RORA: variants seen among roughly 807,000 people sequenced by gnomAD.
RORA encodes nuclear receptor ROR-alpha.
RORA carries 7 observed loss-of-function variants against 69.5 expected under a neutral mutation model. That is an observed-to-expected ratio of 0.10 (90% CI 0.06 to 0.19). The LOEUF (loss-of-function observed/expected upper bound fraction) is 0.19, where lower values mean the gene tolerates loss of function less well. RORA is among the 10% of genes least tolerant of loss of function. RORA has a pLI of 1.00. For missense variants in RORA, 457 were observed against 663.0 expected (o/e 0.69, Z 3.41); for synonymous variants, 261 against 240.8 (o/e 1.08, Z -0.78).
At chr15:61,053,647 A>G (rs983351427) in intron 1 of RORA, among the ~76,000 whole-genome samples, 2 of 151,718 alleles carry the variant, frequency 1.3e-5, no homozygotes, top group Non-Finnish European at 2.9e-5. Flanking sequence ...AATCCCAGCA[A>G]CAAAGCCTGG....
At chr15:60,923,233 T>C (rs1022124432) in intron 1 of RORA, among the ~76,000 whole-genome samples, 1 of 152,172 alleles carries the variant, frequency 6.6e-6, no homozygotes, top group African/African-American at 2.4e-5. Context: ...AAACAGATTG[T>C]CTCCTGGATT....
At chr15:60,888,933 G>A (rs2140455424) in intron 1 of RORA, among the ~76,000 whole-genome samples, 1 of 152,042 alleles carries the variant, frequency 6.6e-6, no homozygotes, top group Non-Finnish European at 1.5e-5. Flanking sequence ...GTGGGTGGGG[G>A]CAGAGTAGGA....
intron 1 of RORA, among the ~76,000 whole-genome samples, chr15:61,078,514 A>C (rs2078488465): frequency 6.6e-6 from 1 of 152,190 alleles, no homozygotes; most frequent in Admixed American, 6.5e-5. Flanking sequence ...TAAAGGCTTT[A>C]AACAGGTTCT....
chr15:60,584,442 G>A (rs2068274093), intron 2 of RORA, among the ~76,000 whole-genome samples: 1 of 152,166 alleles, frequency 6.6e-6, no homozygotes, highest in Non-Finnish European at 1.5e-5. Flanking sequence ...GTTTTAAATG[G>A]CATGTAGCTT....
intron 1 of RORA, among the ~76,000 whole-genome samples, chr15:61,151,979 G>A (rs745797936): frequency 7.2e-5 from 11 of 152,150 alleles, no homozygotes; most frequent in Non-Finnish European, 1.2e-4. Context: ...GTGGAAAATC[G>A]TTGTTCCCCT....
chr15:61,005,271 G>T (rs1241232027), intron 1 of RORA, among the ~76,000 whole-genome samples: 1 of 152,142 alleles, frequency 6.6e-6, no homozygotes, highest in African/African-American at 2.4e-5. Flanking sequence ...TTTGAGGTCA[G>T]GAGTTCGAGA....
intron 1 of RORA, among the ~76,000 whole-genome samples, chr15:61,094,184 T>C (rs900738349): frequency 2.0e-5 from 3 of 152,178 alleles, no homozygotes; most frequent in African/African-American, 7.2e-5. Context: ...TACTCCTTTA[T>C]GTGAGTGAAC....
rs75695682 is a variant in RORA at position 60,893,029 on chromosome 15, C to T, written c.167-214343G>A. The stretch of plus-strand genomic sequence containing the variant: ...GTTTGGGATTCCAGATGAATTCTCC[C>T]AGCATAGCCTCAGCTTGCAAAGGGT... On this transcript the variant is annotated intron_variant, in intron 1 of 10. Transcript: ENST00000335670. Among the ~76,000 whole-genome samples the T allele has an allele frequency of 1.7e-3, 254 of 152,340 alleles. 1 individual carries two copies. Among genetic ancestry groups the T allele is most frequent in the African/African-American group, 5.9e-3 (247 of 41,578 alleles).
chr15:60,989,676 C>A (rs529930182), intron 1 of RORA, among the ~76,000 whole-genome samples: 1 of 152,218 alleles, frequency 6.6e-6, no homozygotes, highest in South Asian at 2.1e-4. Flanking sequence ...GGATTGGAAT[C>A]TAGTCCAGAC....
intron 2 of RORA, chr15:60,614,912 G>A: frequency 6.2e-7 from 1 of 1,613,590 alleles, no homozygotes; most frequent in Non-Finnish European, 8.5e-7. Flanking sequence ...AATGCAGGGA[G>A]CAGAAAAGAG....
At chr15:60,783,815 T>C (rs1363497071) in intron 1 of RORA, among the ~76,000 whole-genome samples, 1 of 152,114 alleles carries the variant, frequency 6.6e-6, no homozygotes, top group African/African-American at 2.4e-5. Flanking sequence ...AATGCCAGGG[T>C]TTCAGAACCT....
intron 1 of RORA, among the ~76,000 whole-genome samples, chr15:60,810,865 G>T (rs943557550): frequency 6.6e-6 from 1 of 152,144 alleles, no homozygotes; most frequent in African/African-American, 2.4e-5. Flanking sequence ...AGCTGAGTGT[G>T]ATTTCTGGGT....
At chr15:61,194,114 G>A (rs940757936) in intron 1 of RORA, 2 of 152,194 alleles carry the variant, frequency 1.3e-5, no homozygotes, top group African/African-American at 4.8e-5. Context: ...TAATGAAATT[G>A]CTTCAAGTTC....
At chr15:60,563,659 T>C (rs1020809998) in intron 2 of RORA, among the ~76,000 whole-genome samples, 10 of 152,166 alleles carry the variant, frequency 6.6e-5, no homozygotes, top group African/African-American at 2.4e-4. Context: ...AGACTCTCAG[T>C]AAACAGCAGC....
intron 2 of RORA, among the ~76,000 whole-genome samples, chr15:60,639,366 T>C (rs1260084817): frequency 1.3e-5 from 2 of 152,098 alleles, no homozygotes; most frequent in African/African-American, 4.8e-5. Context: ...AGAATAACAC[T>C]TAAAAGCCAT....
chr15:61,022,461 T>C (rs1194567058), intron 1 of RORA, among the ~76,000 whole-genome samples: 1 of 152,152 alleles, frequency 6.6e-6, no homozygotes, highest in Non-Finnish European at 1.5e-5. Context: ...ACCATCTTTT[T>C]CCCAATGCTT....
chr15:60,739,687 G>C (rs2071548606), intron 1 of RORA, among the ~76,000 whole-genome samples: 1 of 152,050 alleles, frequency 6.6e-6, no homozygotes. Context: ...CTTCATACAA[G>C]TGCCCTGCCT....
intron 1 of RORA, among the ~76,000 whole-genome samples, chr15:61,109,487 T>C (rs1350522759): frequency 1.3e-5 from 2 of 152,184 alleles, no homozygotes; most frequent in African/African-American, 4.8e-5. Context: ...GCCTCTGTTA[T>C]CACATGGTTC....
intron 1 of RORA, among the ~76,000 whole-genome samples, chr15:60,818,706 A>C (rs1410314392): frequency 6.6e-6 from 1 of 152,238 alleles, no homozygotes; most frequent in Non-Finnish European, 1.5e-5. Flanking sequence ...TTGCTTTTGC[A>C]TGAAAGATTA....
Sources: allele counts gnomAD v4.1 joint callset (sites outside exome capture counted in the v4.1 genomes callset), GRCh38; gene constraint gnomAD v4.1.1; transcripts MANE v1.5; gene names NCBI Gene and HGNC (gene_info 2026-07-23, HGNC 2026-07-21).